The following KSR2 variants were observed in gnomAD, a reference collection of about 807,000 sequenced individuals.
KSR2 encodes the protein kinase suppressor of ras 2.
A neutral mutation model predicts 107.8 loss-of-function variants in KSR2; 25 were observed. The observed-to-expected ratio is 0.23, with a 90% CI of 0.17 to 0.32. The LOEUF is 0.32. KSR2 is among the 10% of genes least tolerant of loss of function. The probability of loss-of-function intolerance (pLI) is 1.00; values close to 1 mark genes in which losing one functional copy is unlikely to be tolerated. For missense variants in KSR2, 887 were observed against 1,268.9 expected, an observed-to-expected ratio of 0.70 and a Z score of 4.57; for synonymous variants, 480 against 507.0, an observed-to-expected ratio of 0.95 and a Z score of 0.71.
At chr12:117,677,977 C>T (rs1737630426) in intron 4 of KSR2, among the ~76,000 whole-genome samples, 2 of 152,116 alleles carry the variant, frequency 1.3e-5, no homozygotes, top group South Asian at 2.1e-4. Context: ...CTCTGTTGAC[C>T]AGGCTGCAGG....
At chr12:117,575,031 C>T (rs1879188639) in intron 7 of KSR2, among the ~76,000 whole-genome samples, 1 of 152,146 alleles carries the variant, frequency 6.6e-6, no homozygotes, top group African/African-American at 2.4e-5. Flanking sequence ...ATGAGACCAT[C>T]CCTCACCACT....
Position 117,539,779 on chromosome 12 carries a change from G to A in KSR2, c.1627C>T (p.Pro543Ser). 6.2e-7 allele frequency: 1 copy of A among 1,608,016 alleles called. No homozygotes were observed. The highest frequency in any genetic ancestry group is 8.5e-7 in the Non-Finnish European group (1 of 1,178,140). Residue 543 changes from proline (P) to serine (S), a missense_variant, in exon 10 of 20, where the codon CCT (proline) becomes TCT (serine). Around this residue, in one of 8 missense-constraint regions of KSR2, gnomAD observed 50 missense variants for 43.4 expected, o/e 1.15. Coordinates refer to ENST00000339824, the MANE Select transcript of KSR2 (RefSeq NM_173598.6). ...APPLPPSATP[P>S]SPLHPSPQCT... Reference sequence around the variant, plus strand: ...TGTGGGGAAGGGTGTAGGGGAGAAGGCGGCGTGGCACTAGGAGGGAGGGGG... The same window carrying A: ...TGTGGGGAAGGGTGTAGGGGAGAAGACGGCGTGGCACTAGGAGGGAGGGGG...
chr12:117,892,787 C>CAAA (rs35897528), intron 1 of KSR2, among the ~76,000 whole-genome samples: 15 of 87,100 alleles, frequency 1.7e-4, no homozygotes, highest in Non-Finnish European at 2.4e-4. Context: ...GTGCTATGTG[C>CAAA]AAAAAAAAAA....
intron 19 of KSR2, among the ~76,000 whole-genome samples, chr12:117,469,363 A>G (rs1204658072): frequency 6.6e-6 from 1 of 152,136 alleles, no homozygotes; most frequent in African/African-American, 2.4e-5. Flanking sequence ...AGGTTCAGAC[A>G]TCACCTCACT....
intron 5 of KSR2, among the ~76,000 whole-genome samples, chr12:117,641,841 C>A (rs564958191): frequency 9.2e-5 from 14 of 152,204 alleles, no homozygotes; most frequent in African/African-American, 3.4e-4. Context: ...TCCCTCAGGT[C>A]CGAGATGAAA....
intron 7 of KSR2, among the ~76,000 whole-genome samples, chr12:117,578,460 A>G (rs765447171): frequency 6.6e-6 from 1 of 151,954 alleles, no homozygotes; most frequent in Non-Finnish European, 1.5e-5. Context: ...ACAAAAAGCC[A>G]GCATGGTGGC....
chr12:117,968,291 C>A lies in KSR2; in HGVS notation c.-36G>T. The A allele has an allele frequency of 7.4e-7, 1 of 1,358,896 alleles. No homozygotes were observed. Among genetic ancestry groups the A allele is most frequent in the Non-Finnish European group, 9.5e-7 (1 of 1,055,228 alleles). 84.2% of individuals were successfully genotyped at this position (1,358,896 alleles called of 1,614,324 possible). On this transcript the variant is annotated 5_prime_UTR_variant, in exon 1 of 20. Transcript: ENST00000339824. The stretch of plus-strand genomic sequence containing the variant: ...GCAACCCCCTTCCCCTCCTCCTCCT[C>A]CCAGAGAGAAAAAAGAGGGGGGGGA...
intron 5 of KSR2, among the ~76,000 whole-genome samples, chr12:117,609,871 G>A (rs1881497806): frequency 6.6e-6 from 1 of 152,136 alleles, no homozygotes; most frequent in Admixed American, 6.5e-5. Flanking sequence ...CCAGACACTA[G>A]GAGTGGAAAA....
In KSR2 at chr12:117,938,224, C is replaced by T. The variant is rs531163990; in HGVS notation, c.180+29852G>A. On this transcript the variant is annotated intron_variant, in intron 1 of 19. Transcript: ENST00000339824. ...TCCCAGTACCCAGCACGGTGCCTGA[C>T]GTGCAACACATATTTGTACATCATT... Among the ~76,000 whole-genome samples the T allele has an allele frequency of 6.6e-5, 10 of 152,250 alleles. No individual in the cohort carries two copies. The South Asian group carries it at 1.4e-3, about 22-fold the overall frequency.
At chr12:117,877,650 G>T (rs1893901602) in intron 1 of KSR2, among the ~76,000 whole-genome samples, 1 of 152,138 alleles carries the variant, frequency 6.6e-6, no homozygotes, top group African/African-American at 2.4e-5. Flanking sequence ...ATGAGAAAAA[G>T]AAGCACAGAG....
At chr12:117,722,584 A>G (rs572741296) in intron 4 of KSR2, among the ~76,000 whole-genome samples, 61 of 152,334 alleles carry the variant, frequency 4.0e-4, no homozygotes, top group African/African-American at 1.5e-3. Context: ...ATGCCATGAC[A>G]ACGTCAGAAA....
chr12:117,512,108 T>A (rs1047444364), intron 14 of KSR2, among the ~76,000 whole-genome samples: 1 of 152,218 alleles, frequency 6.6e-6, no homozygotes, highest in African/African-American at 2.4e-5. Context: ...CAGGTTGAGA[T>A]GTCAAATGTC....
At chr12:117,888,050 C>T (rs1370101472) in intron 1 of KSR2, among the ~76,000 whole-genome samples, 1 of 152,174 alleles carries the variant, frequency 6.6e-6, no homozygotes, top group Non-Finnish European at 1.5e-5. Flanking sequence ...CCAGTGCCTA[C>T]CTGAAGAAGG....
rs528451867 is a variant in KSR2, at chr12:117,647,540, T to C, written c.1171+19934A>G. On this transcript the variant is annotated intron_variant, in intron 5 of 19. Transcript: ENST00000339824. ...TGTTATTTGGAGAAGGAAGAGTCCC[T>C]CCATTCAAATGAGTGACAAAGAGGT... 3.9e-5 allele frequency among the ~76,000 whole-genome samples: 6 copies of C among 152,170 alleles called. No homozygotes were observed. In the East Asian group the frequency reaches 9.7e-4, roughly 25 times the overall value.
intron 11 of KSR2, among the ~76,000 whole-genome samples, 183 bp from the exon 12 acceptor site, chr12:117,531,196 T>C (rs1044897389): frequency 3.3e-5 from 5 of 152,212 alleles, no homozygotes; most frequent in African/African-American, 1.2e-4. Flanking sequence ...ACCAGGGTTC[T>C]GGATGACATC....
chr12:117,624,648 G>A (rs1243931929), intron 5 of KSR2, among the ~76,000 whole-genome samples: 1 of 152,184 alleles, frequency 6.6e-6, no homozygotes, highest in Non-Finnish European at 1.5e-5. Flanking sequence ...CAGGTAGCGT[G>A]ATGCCTCCAG....
intron 1 of KSR2, among the ~76,000 whole-genome samples, chr12:117,895,879 T>C (rs1894494899): frequency 1.3e-5 from 2 of 152,170 alleles, no homozygotes; most frequent in Admixed American, 1.3e-4. Context: ...GCCAACATGG[T>C]GAAACCTCAT....
At chr12:117,583,558 G>C (rs1425804869) in intron 5 of KSR2, among the ~76,000 whole-genome samples, 3 of 152,144 alleles carry the variant, frequency 2.0e-5, no homozygotes, top group Non-Finnish European at 2.9e-5. Context: ...AATGACTTCA[G>C]ATGAGATGCC....
At chr12:117,871,595 C>CAA (rs139592636) in intron 1 of KSR2, among the ~76,000 whole-genome samples, 21 of 121,478 alleles carry the variant, frequency 1.7e-4, no homozygotes, top group Admixed American at 1.1e-3. Context: ...GACCCTGTCT[C>CAA]AAAAAAAAAA....
Sources: gnomAD v4.1 joint callset for allele counts (sites outside exome capture counted in the v4.1 genomes callset) on GRCh38, gnomAD v4.1.1 for gene constraint, gnomAD v4.1.1 regional missense constraint, MANE v1.5 for transcripts, NCBI Gene and HGNC (gene_info 2026-07-23, HGNC 2026-07-21) for gene names.